Variants in ART5 observed in about 807,000 individuals in gnomAD.
The protein encoded by ART5 is ADP-ribosyltransferase 5, also known as ecto-ADP-ribosyltransferase 5.
Under a neutral mutation model 25.0 loss-of-function variants are expected in ART5, and 22 were observed. The ratio of observed to expected loss-of-function variants is 0.88; its 90% CI spans 0.63 to 1.26. The LOEUF (loss-of-function observed/expected upper bound fraction) is 1.26, where lower values mean the gene tolerates loss of function less well. Among genes scored for constraint, ART5 ranks in the 50% most tolerant of loss-of-function variants. The probability of loss-of-function intolerance (pLI) is 0.00; values close to 1 mark genes in which losing one functional copy is unlikely to be tolerated. For missense variants in ART5, 402 were observed against 372.8 expected (o/e 1.08, Z -0.64); for synonymous variants, 161 against 154.8 (o/e 1.04, Z -0.30).
chr11:3,642,119 A>C (rs1320731166), upstream of ART5: 5 of 1,331,406 alleles, frequency 3.8e-6, no homozygotes, highest in Non-Finnish European at 3.8e-6. Flanking sequence ...CGAGACTGTA[A>C]AGGCGGGGCC....
chr11:3,642,124 G>A, upstream of ART5: 1 of 1,328,378 alleles, frequency 7.5e-7, no homozygotes, highest in South Asian at 2.0e-5. Flanking sequence ...CTGTAAAGGC[G>A]GGGCCGCAGT....
At chr11:3,642,080 C>G (rs2077410582), upstream of ART5, 3 of 1,410,718 alleles carry the variant, frequency 2.1e-6, no homozygotes, top group Non-Finnish European at 2.8e-6. Flanking sequence ...CACACCCCTT[C>G]CTCAGAGCCT....
At position 3,640,362 on chromosome 11, in the gene ART5, C is replaced by T. The variant is rs759062996; in HGVS notation, c.67G>A (p.Val23Ile). 11 of 1,427,906 alleles carry T rather than the reference C, an allele frequency of 7.7e-6. No individual in the cohort carries two copies. The Middle Eastern group carries it at 2.0e-3, about 261-fold the overall frequency. The allele number at this position is 1,427,906 out of a possible 1,614,324, so 88.5% of individuals were successfully genotyped here. A position where few individuals can be genotyped will look rare whatever the true frequency, so the allele number is the denominator to read the frequency against. The part of the protein sequence containing the change: ...LGLHTWQAQA[V>I]PILPLGLAPD... Reference sequence around the variant, plus strand: ...GCCAGGCCCAGGGGCAGGATGGGAACAGCCTGGGCCTGTGGAGCAAAAGAG... The same window carrying T: ...GCCAGGCCCAGGGGCAGGATGGGAATAGCCTGGGCCTGTGGAGCAAAAGAG... Residue 23 changes from valine (V) to isoleucine (I), a missense_variant, in exon 2 of 4, where the codon GTT (valine) becomes ATT (isoleucine). Val to Ile is a conservative substitution (Grantham distance 29). Transcript: ENST00000397068.
upstream of ART5, chr11:3,642,313 C>T (rs963396216): frequency 3.0e-6 from 3 of 1,004,318 alleles, no homozygotes; most frequent in African/African-American, 1.7e-5. Context: ...GCTGGTAACC[C>T]GACACCCCTT....
chr11:3,642,048 C>G, upstream of ART5: 1 of 1,427,704 alleles, frequency 7.0e-7, no homozygotes, highest in Non-Finnish European at 9.1e-7. Context: ...CCCCCCGCCC[C>G]AAGTCTCCGC....
At chr11:3,642,248 G>A, upstream of ART5, 1 of 1,052,880 alleles carries the variant, frequency 9.5e-7, no homozygotes, top group Non-Finnish European at 1.1e-6. Context: ...TGTCCCCGGA[G>A]GAGTCCGGAG....
At chr11:3,642,211 C>T (rs1286484726), upstream of ART5, 27 of 1,146,858 alleles carry the variant, frequency 2.4e-5, no homozygotes, top group East Asian at 5.0e-5. Context: ...CGGGAGGGAG[C>T]GCCGAGGGCT....
intron 1 of ART5, 79 bp from the exon 2 acceptor site, chr11:3,640,450 C>T (rs2077379657): frequency 6.9e-7 from 1 of 1,458,624 alleles, no homozygotes; most frequent in African/African-American, 1.4e-5. Context: ...GCAAACCCAT[C>T]CAGAAACACA....
chr11:3,642,196 G>A (rs1307288202), upstream of ART5: 4 of 1,171,038 alleles, frequency 3.4e-6, no homozygotes, highest in African/African-American at 1.6e-5. Flanking sequence ...TGCGGAAGCC[G>A]CCAGCGGGAG....
At chr11:3,639,188 C>G (rs1383763271) in intron 2 of ART5, among the ~76,000 whole-genome samples, 153 bp from the exon 3 acceptor site, 1 of 152,208 alleles carries the variant, frequency 6.6e-6, no homozygotes, top group Non-Finnish European at 1.5e-5. Flanking sequence ...CTCCGTCCTC[C>G]AGGAACTCTT....
intron 2 of ART5, 129 bp from the exon 3 acceptor site, chr11:3,639,164 GATTTCCCTT>G: frequency 1.9e-6 from 2 of 1,065,682 alleles, no homozygotes; most frequent in Non-Finnish European, 2.7e-6. Context: ...GGAAACTTCT[GATTTCCCTT>G]CCTCCTCCGT....
chr11:3,638,674 C>T lies in ART5; in HGVS notation c.*64G>A. ...TCCCTCAGCCCTGCTGTGGCCTCCC[C>T]AGGCCAACATCCTGGTTGGGGAGAA... On this transcript the variant is annotated 3_prime_UTR_variant, in exon 4 of 4. Transcript: ENST00000397068. 1.2e-6 allele frequency: 2 copies of T among 1,601,684 alleles called. No individual in the cohort carries two copies. The highest frequency in any genetic ancestry group is 1.7e-6 in the Non-Finnish European group (2 of 1,168,990).
Position 3,641,820 on chromosome 11 carries a change from GGCCGAGGCT to G in ART5, c.34_42del (p.Ser12_Gly14del). ...CCTGGAGTTACCTGCCAGGTGTGGA[GGCCGAGGCT>G]GCCGAGGGCGATCATCAAAGCCGCC... On this transcript the variant is annotated inframe_deletion, in exon 1 of 4. Transcript: ENST00000397068. 1 of 1,578,600 alleles carries G rather than the reference GGCCGAGGCT, an allele frequency of 6.3e-7. No homozygotes were observed. The highest frequency in any genetic ancestry group is 1.3e-5 in the African/African-American group (1 of 74,860).
In ART5 at chr11:3,640,171, A is replaced by G. The variant is rs1445247936; in HGVS notation, c.258T>C (p.Pro86=). 6.2e-7 allele frequency: 1 copy of G among 1,614,092 alleles called. No homozygotes were observed. Among genetic ancestry groups the G allele is most frequent in the East Asian group, 2.2e-5 (1 of 44,888 alleles). ...EDKRRGLTLP[P]GFKAQNGIAI... ...CTATTCCATTCTGGGCTTTGAAGCCAGGGGGCAAGGTAAGCCCTCGACGCT... is the reference window on the plus strand; with the variant it reads ...CTATTCCATTCTGGGCTTTGAAGCCGGGGGGCAAGGTAAGCCCTCGACGCT... The change falls in exon 2 of 4, where the codon CCT becomes CCC. Residue 86 remains proline (P), a synonymous_variant. Coordinates refer to ENST00000397068, the MANE Select transcript of ART5 (RefSeq NM_053017.5).
intron 1 of ART5, among the ~76,000 whole-genome samples, chr11:3,641,582 G>A (rs2077397927): frequency 6.6e-6 from 1 of 152,166 alleles, no homozygotes; most frequent in Admixed American, 6.5e-5. Flanking sequence ...GGAGGAGAAC[G>A]TTGGAGGCAT....
intron 1 of ART5, 38 bp downstream of exon 1, chr11:3,641,768 T>C: frequency 6.4e-7 from 1 of 1,560,290 alleles, no homozygotes; most frequent in Non-Finnish European, 8.7e-7. Flanking sequence ...TGTCCCTTAA[T>C]GTCCCCCTTG....
chr11:3,640,199 TCCTCCCAGGTCTCCTGGGCTG>T lies in ART5; in HGVS notation c.209_229del (p.Ala70_Glu76del), dbSNP rs759079374. On this transcript the variant is annotated inframe_deletion, in exon 2 of 4. Coordinates refer to ENST00000397068, the MANE Select transcript of ART5 (RefSeq NM_053017.5). ...GGGCAAGGTAAGCCCTCGACGCTTG[TCCTCCCAGGTCTCCTGGGCTG>T]CCTCCCAGGATTCCCGCAGCAGGGC... 4 of 1,613,904 alleles carry T rather than the reference TCCTCCCAGGTCTCCTGGGCTG, an allele frequency of 2.5e-6. No individual in the cohort carries two copies. The African/African-American group carries it at 4.0e-5, about 16-fold the overall frequency.
At chr11:3,641,667 T>C in intron 1 of ART5, 139 bp downstream of exon 1, 1 of 1,441,966 alleles carries the variant, frequency 6.9e-7, no homozygotes, top group South Asian at 1.4e-5. Flanking sequence ...TGGAGGTTCC[T>C]GAGAGGAAGA....
rs2077363724 is a variant in ART5, at chr11:3,639,735, C to T, written c.694G>A (p.Val232Ile). Residue 232 changes from valine to isoleucine, a missense_variant, in exon 2 of 4, where the codon GTT becomes ATT. By Grantham distance (29) the Val-to-Ile change is conservative (BLOSUM62 3). Transcript: ENST00000397068. ...VLIPPHEVFL[V>I]TRFSQDGAQS... ...GCTCCATCCTGAGAGAATCTGGTAA[C>T]CAAAAAGACTTCATGGGGGGGAATC... is the stretch of plus-strand genomic sequence containing the variant. The T allele has an allele frequency of 6.2e-7, 1 of 1,614,082 alleles. No homozygotes were observed. Among genetic ancestry groups the T allele is most frequent in the Non-Finnish European group, 8.5e-7 (1 of 1,180,026 alleles).
Sources: allele counts gnomAD v4.1 joint callset (sites outside exome capture counted in the v4.1 genomes callset), GRCh38; gene constraint gnomAD v4.1.1; transcripts MANE v1.5; gene names NCBI Gene and HGNC (gene_info 2026-07-23, HGNC 2026-07-21).